Variants in CADM1 observed in about 807,000 individuals in gnomAD.
CADM1 encodes the protein TSLC-1.
CADM1 carries 15 observed loss-of-function variants against 53.1 expected under a neutral mutation model. The observed-to-expected ratio is 0.28, with a 90% CI of 0.19 to 0.44. The LOEUF (loss-of-function observed/expected upper bound fraction) is 0.44, where lower values mean the gene tolerates loss of function less well. CADM1 is among the 20% of genes least tolerant of loss of function. The pLI, the probability that CADM1 is intolerant of heterozygous loss-of-function variation, is 1.00. For missense variants in CADM1, 434 were observed against 611.3 expected, an observed-to-expected ratio of 0.71 and a Z score of 3.06; for synonymous variants, 281 against 243.0, an observed-to-expected ratio of 1.16 and a Z score of -1.45.
chr11:115,222,160 A>G (rs1240463262), intron 5 of CADM1, among the ~76,000 whole-genome samples: 1 of 152,184 alleles, frequency 6.6e-6, no homozygotes, highest in Non-Finnish European at 1.5e-5. Flanking sequence ...ATGAGCACAG[A>G]TGATATCAGA....
At chr11:115,335,259 C>T (rs985263705) in intron 1 of CADM1, among the ~76,000 whole-genome samples, 1 of 151,902 alleles carries the variant, frequency 6.6e-6, no homozygotes, top group African/African-American at 2.4e-5. Context: ...CTTAATAAAC[C>T]CATCGCGTGT....
intron 1 of CADM1, among the ~76,000 whole-genome samples, chr11:115,282,917 C>A (rs556692330): frequency 6.6e-6 from 1 of 152,216 alleles, no homozygotes; most frequent in Admixed American, 6.5e-5. Flanking sequence ...ATACAGTATT[C>A]TACAGAGCAT....
intron 3 of CADM1, among the ~76,000 whole-genome samples, chr11:115,235,353 A>G (rs1941976340): frequency 6.6e-6 from 1 of 152,228 alleles, no homozygotes; most frequent in African/African-American, 2.4e-5. Flanking sequence ...AAAGTATAAA[A>G]ATCCATTTAT....
At position 115,393,086 on chromosome 11, in the gene CADM1, A is replaced by G. The variant is rs866331084; in HGVS notation, c.124+111185T>C. 1.3e-3 allele frequency among the ~76,000 whole-genome samples: 189 copies of G among 150,692 alleles called. 4 individuals are homozygous for G. In the Middle Eastern group the frequency reaches 0.027, roughly 22 times the overall value. The stretch of plus-strand genomic sequence containing the variant: ...TCTTCCAAAAAAAAAAAAAAAAAAA[A>G]AAAAGGAGAAATAGCCCATTCAATT... On this transcript the variant is annotated intron_variant, in intron 1 of 11. Transcript: ENST00000331581.
At chr11:115,227,312 T>C (rs1314307085) in intron 5 of CADM1, among the ~76,000 whole-genome samples, 1 of 152,168 alleles carries the variant, frequency 6.6e-6, no homozygotes, top group African/African-American at 2.4e-5. Flanking sequence ...TAAGGATCAT[T>C]ATCAAGTTTT....
At chr11:115,308,141 C>CTG (rs199736406) in intron 1 of CADM1, among the ~76,000 whole-genome samples, 3,608 of 133,418 alleles carry the variant, frequency 0.027, 44 homozygotes, top group African/African-American at 0.033. Flanking sequence ...AACTCTCTCT[C>CTG]TGTGTGTGTG....
intron 1 of CADM1, among the ~76,000 whole-genome samples, chr11:115,303,211 T>G (rs928241843): frequency 3.3e-5 from 5 of 151,990 alleles, no homozygotes; most frequent in African/African-American, 1.2e-4. Context: ...CATATGAAGC[T>G]GGAAAGGGGA....
intron 10 of CADM1, among the ~76,000 whole-genome samples, chr11:115,183,857 C>T (rs1939423261): frequency 6.6e-6 from 1 of 152,174 alleles, no homozygotes; most frequent in South Asian, 2.1e-4. Flanking sequence ...CTTCCTACTT[C>T]TGTTTAGGGA....
intron 8 of CADM1, 52 bp downstream of exon 8, chr11:115,209,522 A>C: frequency 6.2e-7 from 1 of 1,610,782 alleles, no homozygotes; most frequent in Non-Finnish European, 8.5e-7. Context: ...TATACATACC[A>C]GAAAGACAAT....
intron 1 of CADM1, among the ~76,000 whole-genome samples, chr11:115,380,904 T>C (rs1591763307): frequency 1.3e-5 from 2 of 152,188 alleles, no homozygotes; most frequent in East Asian, 3.8e-4. Context: ...AGAAGCTTAA[T>C]ATTTGTCTAA....
rs1942031029 is a variant in CADM1, at chr11:115,236,957, G to C, written c.424+1543C>G. The stretch of plus-strand genomic sequence containing the variant: ...GAAAACAACATATAAATACGTAAAG[G>C]TATATGTAGTAAAATACTCTGAAAA... On this transcript the variant is annotated intron_variant, in intron 3 of 11. Transcript: ENST00000331581. Among the ~76,000 whole-genome samples the C allele has an allele frequency of 3.3e-5, 5 of 152,038 alleles. No individual in the cohort carries two copies. In the South Asian group the frequency reaches 1.0e-3, roughly 32 times the overall value.
chr11:115,238,414 G>T, intron 3 of CADM1, 86 bp downstream of exon 3: 1 of 1,392,596 alleles, frequency 7.2e-7, no homozygotes, highest in Non-Finnish European at 1.0e-6. Flanking sequence ...TTGAACAGGA[G>T]AATTCACCAT....
At chr11:115,288,895 A>G (rs1287168226) in intron 1 of CADM1, among the ~76,000 whole-genome samples, 2 of 152,188 alleles carry the variant, frequency 1.3e-5, no homozygotes, top group African/African-American at 4.8e-5. Flanking sequence ...CACTGGAGGC[A>G]GATGACTCAG....
chr11:115,284,593 A>G lies in CADM1; in HGVS notation c.125-44173T>C, dbSNP rs544158877. ...AAAGCACATTCATGAAAGTTTACAT[A>G]CTGTAACCAAGCACAATTCCAAATG... is the stretch of plus-strand genomic sequence containing the variant. On this transcript the variant is annotated intron_variant, in intron 1 of 11. Transcript: ENST00000331581. 1.7e-3 allele frequency among the ~76,000 whole-genome samples: 266 copies of G among 152,124 alleles called. 3 individuals carry two copies. The highest frequency in any genetic ancestry group is 6.3e-3 in the African/African-American group (260 of 41,536).
chr11:115,196,294 ACTT>A (rs1565290714), intron 9 of CADM1, among the ~76,000 whole-genome samples: 2 of 152,148 alleles, frequency 1.3e-5, no homozygotes, highest in Non-Finnish European at 2.9e-5. Context: ...CTGTAAGTTA[ACTT>A]CTTATTTTTC....
intron 1 of CADM1, among the ~76,000 whole-genome samples, chr11:115,252,152 G>A (rs536392428): frequency 1.3e-5 from 2 of 152,316 alleles, no homozygotes; most frequent in South Asian, 4.1e-4. Flanking sequence ...GTAGTTCTGA[G>A]CTTACTGGTG....
In CADM1 at chr11:115,173,562, C is replaced by CGG; in HGVS notation, c.*2911_*2912insCC. Reference sequence around the variant, plus strand: ...ATGGTCCTAAGGAGGAAGCTGGGACCAGAGGCCCATCTCTTCTCTCACTCG... The same window carrying CGG: ...ATGGTCCTAAGGAGGAAGCTGGGACCGGAGAGGCCCATCTCTTCTCTCACTCG... On this transcript the variant is annotated 3_prime_UTR_variant, in exon 12 of 12. Transcript: ENST00000331581. 5.7e-6 allele frequency: 1 copy of CGG among 174,844 alleles called. No individual in the cohort carries two copies. The highest frequency in any genetic ancestry group is 1.9e-4 in the East Asian group (1 of 5,270). 10.8% of individuals were successfully genotyped at this position (174,844 alleles called of 1,614,324 possible).
At chr11:115,259,898 C>CTGAGA (rs1942919763) in intron 1 of CADM1, among the ~76,000 whole-genome samples, 1 of 152,170 alleles carries the variant, frequency 6.6e-6, no homozygotes, top group Admixed American at 6.5e-5. Context: ...GTCTCCATCT[C>CTGAGA]TGAGATAATG....
chr11:115,298,288 G>A (rs935184757), intron 1 of CADM1, among the ~76,000 whole-genome samples: 17 of 152,182 alleles, frequency 1.1e-4, no homozygotes, highest in Non-Finnish European at 1.5e-5. Flanking sequence ...ACGTAAATAA[G>A]ATGCTCTAAG....
Sources: allele counts gnomAD v4.1 joint callset (sites outside exome capture counted in the v4.1 genomes callset), GRCh38; gene constraint gnomAD v4.1.1; transcripts MANE v1.5; gene names NCBI Gene and HGNC (gene_info 2026-07-23, HGNC 2026-07-21).